Variants in CACNA1A observed in about 807,000 individuals in gnomAD.
The protein encoded by CACNA1A is voltage-dependent P/Q-type calcium channel subunit alpha-1A.
A neutral mutation model predicts 262.4 loss-of-function variants in CACNA1A; 57 were observed. The ratio of observed to expected loss-of-function variants is 0.22; its 90% CI spans 0.18 to 0.27. CACNA1A has a LOEUF of 0.27. CACNA1A is among the 10% of genes least tolerant of loss of function. The pLI, the probability that CACNA1A is intolerant of heterozygous loss-of-function variation, is 1.00. For missense variants in CACNA1A, 2,526 were observed against 3,562.8 expected (o/e 0.71, Z 7.41); for synonymous variants, 1,431 against 1,419.3 (o/e 1.01, Z -0.18).
At chr19:13,213,968 G>T in intron 40 of CACNA1A, 1 of 452,902 alleles carries the variant, frequency 2.2e-6, no homozygotes, top group Non-Finnish European at 4.1e-6. Flanking sequence ...CTACAGGTGT[G>T]CACCACCATG....
At chr19:13,271,786 CAG>C (rs1275347974) in intron 24 of CACNA1A, 1 of 131,828 alleles carries the variant, frequency 7.6e-6, no homozygotes, top group African/African-American at 2.9e-5. Context: ...TTTTTTGAGA[CAG>C]AGTCTTGCTC....
At chr19:13,442,162 G>T (rs991495400) in intron 3 of CACNA1A, among the ~76,000 whole-genome samples, 3 of 152,172 alleles carry the variant, frequency 2.0e-5, no homozygotes, top group Non-Finnish European at 2.9e-5. Flanking sequence ...AGGGTCCAAT[G>T]GTTAATTTGG....
At chr19:13,439,525 C>T (rs967169470) in intron 3 of CACNA1A, among the ~76,000 whole-genome samples, 1 of 151,008 alleles carries the variant, frequency 6.6e-6, no homozygotes, top group African/African-American at 2.4e-5. Flanking sequence ...TCAGCCTCCC[C>T]AGTAGCTGGG....
At chr19:13,227,953 G>C (rs549590877) in intron 36 of CACNA1A, among the ~76,000 whole-genome samples, 3 of 124,722 alleles carry the variant, frequency 2.4e-5, no homozygotes, top group Admixed American at 2.1e-4. Flanking sequence ...TCTCTCTGTC[G>C]CCTGGGTTGG....
In CACNA1A at chr19:13,241,086, G is replaced by C. The variant is rs2056068937; in HGVS notation, c.4950+4096C>G. 6.6e-6 allele frequency among the ~76,000 whole-genome samples: 1 copy of C among 152,224 alleles called. No homozygotes were observed. The highest frequency in any genetic ancestry group is 1.5e-5 in the Non-Finnish European group (1 of 68,040). ...GACAGCAGGATGGAGAGAGCTGGAG[G>C]GGCGAGGAGACAGTTGGCAGCTTTC... On this transcript the variant is annotated intron_variant, in intron 31 of 46. Coordinates refer to ENST00000360228, the MANE Select transcript of CACNA1A (RefSeq NM_001127222.2). This position sits in a 1 kb window ranked among gnomAD's most constrained non-coding sequence, Gnocchi z 4.0.
rs1568709524 is a variant in CACNA1A at position 13,497,515 on chromosome 19, AAAAAAAATATATATATATATATAT to A, written c.293+8393_293+8416del. ...AAAAAAAAAAAAAAAAAAAAAAAAAAAAAAAAATATATATATATATATATATATATATATATATATATATATATA... is the reference window on the plus strand; with the variant it reads ...AAAAAAAAAAAAAAAAAAAAAAAAAAATATATATATATATATATATATATA... On this transcript the variant is annotated intron_variant, in intron 1 of 46. Coordinates refer to ENST00000360228, the MANE Select transcript of CACNA1A (RefSeq NM_001127222.2). Among the ~76,000 whole-genome samples, 83 of 38,016 alleles carry A rather than the reference AAAAAAAATATATATATATATATAT, an allele frequency of 2.2e-3. 5 individuals are homozygous for A. Among genetic ancestry groups the A allele is most frequent in the Non-Finnish European group, 3.4e-3 (76 of 22,424 alleles). The allele number at this position is 38,016 out of a possible 152,430, so 24.9% of individuals were successfully genotyped here.
intron 1 of CACNA1A, among the ~76,000 whole-genome samples, chr19:13,493,722 C>T (rs1981172788): frequency 6.6e-6 from 1 of 152,162 alleles, no homozygotes; most frequent in African/African-American, 2.4e-5. Flanking sequence ...ACTATCAGAA[C>T]CTTGGACAGA....
At chr19:13,255,734 T>TCCCTCCTTCTCTCCCTCCCC (rs1225038017) in intron 28 of CACNA1A, among the ~76,000 whole-genome samples, 1 of 96,214 alleles carries the variant, frequency 1.0e-5, no homozygotes, top group Non-Finnish European at 2.0e-5. Context: ...TCTCCCTCCC[T>TCCCTCCTTCTCTCCCTCCCC]CCTTCCCTCC....
At chr19:13,331,764 G>T (rs903773019) in intron 9 of CACNA1A, among the ~76,000 whole-genome samples, 9 of 151,706 alleles carry the variant, frequency 5.9e-5, no homozygotes, top group Non-Finnish European at 8.8e-5. Context: ...GGGCTCAAGT[G>T]ATCCTCCCAC....
chr19:13,303,396 G>A (rs2057828839), intron 17 of CACNA1A, 150 bp downstream of exon 17: 7 of 596,604 alleles, frequency 1.2e-5, no homozygotes, highest in East Asian at 2.8e-5. Flanking sequence ...GGGGAGAGGC[G>A]CCTTCTCTTT....
At position 13,235,005 on chromosome 19, in the gene CACNA1A, T is replaced by C. The variant is rs765144501; in HGVS notation, c.5165A>G (p.Asp1722Gly). The C allele has an allele frequency of 3.3e-5, 53 of 1,613,670 alleles. No individual in the cohort carries two copies. The highest frequency in any genetic ancestry group is 4.2e-5 in the Non-Finnish European group (49 of 1,179,680). ...GAACTCATCTTCATCACTGTCCTCG[T>C]CCTCCACGTCGATGCCAATGTTACC... Reference protein sequence around the residue: ...VFGNIGIDVEDEDSDEDEFQI... With the variant: ...VFGNIGIDVEGEDSDEDEFQI... Residue 1722 changes from aspartate (D) to glycine (G), a missense_variant, in exon 34 of 47, where the codon GAC (aspartate) becomes GGC (glycine). By Grantham distance (94) the Asp-to-Gly change is moderately conservative. Around this residue, in one of 17 missense-constraint regions of CACNA1A, gnomAD observed 17 missense variants for 16.5 expected, o/e 1.03. Coordinates refer to ENST00000360228, the MANE Select transcript of CACNA1A (RefSeq NM_001127222.2).
At chr19:13,449,592 T>G (rs1270132546) in intron 3 of CACNA1A, among the ~76,000 whole-genome samples, 1 of 152,198 alleles carries the variant, frequency 6.6e-6, no homozygotes, top group Non-Finnish European at 1.5e-5. Flanking sequence ...ATTACAGGTG[T>G]GAGCCACCAT....
intron 3 of CACNA1A, among the ~76,000 whole-genome samples, chr19:13,410,375 C>T (rs1369345927): frequency 6.6e-6 from 1 of 151,890 alleles, no homozygotes; most frequent in Non-Finnish European, 1.5e-5. Context: ...CACAGGCATG[C>T]ACCACCATGC....
intron 23 of CACNA1A, 131 bp from the exon 24 acceptor site, chr19:13,276,087 A>T (rs1261767768): frequency 6.3e-6 from 4 of 630,490 alleles, no homozygotes; most frequent in Non-Finnish European, 1.1e-5. Flanking sequence ...AGGGATGGGC[A>T]GTGGCCAGAG....
At chr19:13,378,828 C>T (rs1343515323) in intron 3 of CACNA1A, among the ~76,000 whole-genome samples, 7 of 151,696 alleles carry the variant, frequency 4.6e-5, no homozygotes, top group African/African-American at 4.8e-5. Context: ...CCACCACACC[C>T]GGCTATTTTT....
chr19:13,209,196 C>T (rs2054707975), intron 45 of CACNA1A, 116 bp downstream of exon 45: 2 of 1,333,158 alleles, frequency 1.5e-6, no homozygotes, highest in Non-Finnish European at 2.0e-6. Context: ...CCCCTCTGTC[C>T]CCTCTCCATG....
In CACNA1A at chr19:13,413,894, A is replaced by AG. The variant is rs1568621754; in HGVS notation, c.539+38981_539+38982insC. Among the ~76,000 whole-genome samples, 519 of 86,748 alleles carry AG rather than the reference A, an allele frequency of 6.0e-3. 34 individuals carry two copies. The highest frequency in any genetic ancestry group is 0.028 in the African/African-American group (476 of 16,752). 56.9% of individuals were successfully genotyped at this position (86,748 alleles called of 152,430 possible). ...AGACTCTGTCAAGAAAGAAAGAAAG[A>AG]AAAAGAAAGAAAGAAAGAAAGAAAG... On this transcript the variant is annotated intron_variant, in intron 3 of 46. Transcript: ENST00000360228.
intron 23 of CACNA1A, 65 bp from the exon 24 acceptor site, chr19:13,276,021 C>T (rs1285170381): frequency 7.8e-6 from 8 of 1,026,470 alleles, no homozygotes; most frequent in Non-Finnish European, 1.2e-5. Context: ...TGCTGCCACC[C>T]ACTCTCTAGC....
intron 3 of CACNA1A, among the ~76,000 whole-genome samples, chr19:13,412,159 T>C (rs974617956): frequency 1.3e-5 from 2 of 152,040 alleles, no homozygotes; most frequent in Admixed American, 6.6e-5. Flanking sequence ...CTCAGAACAT[T>C]GCAGACAACT....
Sources: allele counts gnomAD v4.1 joint callset (sites outside exome capture counted in the v4.1 genomes callset), GRCh38; gene constraint gnomAD v4.1.1; regional missense constraint gnomAD v4.1.1; non-coding constraint Gnocchi (gnomAD v3.1); transcripts MANE v1.5; gene names NCBI Gene and HGNC (gene_info 2026-07-23, HGNC 2026-07-21).